STK3: variants seen among roughly 807,000 people sequenced by gnomAD.
The protein encoded by STK3 is serine/threonine kinase 3.
In STK3, 41 loss-of-function variants were observed where a neutral mutation model predicts 58.0. That is an observed-to-expected ratio of 0.71 (90% CI 0.55 to 0.92). STK3 has a LOEUF of 0.92. STK3 is among the 40% of genes least tolerant of loss of function. The pLI, the probability that STK3 is intolerant of heterozygous loss-of-function variation, is 0.00. For synonymous variants in STK3, 170 were observed against 191.0 expected (o/e 0.89, Z 0.91); for missense variants, 479 against 602.7 (o/e 0.79, Z 2.15).
At chr8:98,861,086 T>C (rs1423108327) in intron 3 of STK3, among the ~76,000 whole-genome samples, 1 of 151,832 alleles carries the variant, frequency 6.6e-6, no homozygotes, top group Non-Finnish European at 1.5e-5. Flanking sequence ...ATCTGGACAC[T>C]AGGCTAAGAA....
intron 1 of STK3, among the ~76,000 whole-genome samples, chr8:98,907,859 A>T (rs1176203310): frequency 6.6e-6 from 1 of 152,208 alleles, no homozygotes; most frequent in African/African-American, 2.4e-5. Flanking sequence ...TTATCTTTTA[A>T]TCTATGGGTG....
chr8:98,630,727 GAGA>G (rs1207934162), intron 6 of STK3, among the ~76,000 whole-genome samples: 3 of 150,072 alleles, frequency 2.0e-5, no homozygotes, highest in Non-Finnish European at 4.4e-5. Flanking sequence ...GGAGAAGGAG[GAGA>G]AGAAGGAGAA....
chr8:98,906,388 T>G (rs958926433), intron 1 of STK3: 3 of 152,294 alleles, frequency 2.0e-5, no homozygotes, highest in African/African-American at 7.2e-5. Flanking sequence ...GTGGTTGTGC[T>G]CCTGCCCCGT....
At chr8:98,398,563 C>T (rs775375976), downstream of STK3, among the ~76,000 whole-genome samples, 20 of 152,204 alleles carry the variant, frequency 1.3e-4, no homozygotes, top group Non-Finnish European at 2.6e-4. Flanking sequence ...CATCAGACTA[C>T]AGGCTGTGCC....
intron 1 of STK3, among the ~76,000 whole-genome samples, chr8:98,442,082 G>A (rs1416244738): frequency 6.6e-6 from 1 of 152,192 alleles, no homozygotes; most frequent in Non-Finnish European, 1.5e-5. Flanking sequence ...TGAGTCTGCA[G>A]GGCTAACTTC....
At chr8:98,598,206 G>A (rs1326821277) in intron 6 of STK3, 19 of 985,188 alleles carry the variant, frequency 1.9e-5, no homozygotes, top group Non-Finnish European at 2.2e-5. Context: ...TGAAGCCAAT[G>A]CTCTCCTTTG....
intron 7 of STK3, chr8:98,595,043 G>T (rs1009709148): frequency 1.1e-4 from 17 of 152,088 alleles, no homozygotes; most frequent in African/African-American, 4.1e-4. Context: ...CAATTTCAAT[G>T]TTCTACGAAT....
At chr8:98,504,450 T>C (rs142650060) in intron 10 of STK3, among the ~76,000 whole-genome samples, 1,661 of 152,306 alleles carry the variant, frequency 0.011, 25 homozygotes, top group African/African-American at 0.037. Flanking sequence ...AGCTGGTCAT[T>C]TTGCCCGTTA....
intron 1 of STK3, among the ~76,000 whole-genome samples, chr8:98,911,883 T>C (rs1287634385): frequency 6.6e-6 from 1 of 152,226 alleles, no homozygotes; most frequent in African/African-American, 2.4e-5. Context: ...TTTGTTAGTT[T>C]CTATAGTAGT....
At chr8:98,552,389 T>C (rs1246356924) in intron 8 of STK3, among the ~76,000 whole-genome samples, 1 of 152,146 alleles carries the variant, frequency 6.6e-6, no homozygotes, top group Non-Finnish European at 1.5e-5. Flanking sequence ...ACCTTTATCA[T>C]GTCCAAATGT....
chr8:98,463,692 T>G (rs557842094), intron 10 of STK3, among the ~76,000 whole-genome samples: 1 of 152,226 alleles, frequency 6.6e-6, no homozygotes, highest in South Asian at 2.1e-4. Flanking sequence ...AAAACTTACT[T>G]CATAAAATAA....
chr8:98,656,159 A>G (rs1268735142), intron 6 of STK3, among the ~76,000 whole-genome samples: 3 of 152,244 alleles, frequency 2.0e-5, no homozygotes, highest in Non-Finnish European at 4.4e-5. Flanking sequence ...GCAGCCATAA[A>G]AAATGATGAG....
chr8:98,920,751 G>T (rs1292575341), intron 1 of STK3, among the ~76,000 whole-genome samples: 1 of 152,238 alleles, frequency 6.6e-6, no homozygotes, highest in South Asian at 2.1e-4. Context: ...CCCTGGAGAA[G>T]CAGGGCAAGA....
chr8:98,451,113 C>T (rs895560022), downstream of STK3, among the ~76,000 whole-genome samples: 1 of 152,074 alleles, frequency 6.6e-6, no homozygotes, highest in African/African-American at 2.4e-5. Flanking sequence ...TAGATGCTCA[C>T]AAAATTATTA....
At chr8:98,581,568 T>C (rs978907956) in intron 7 of STK3, among the ~76,000 whole-genome samples, 1 of 151,834 alleles carries the variant, frequency 6.6e-6, no homozygotes, top group African/African-American at 2.4e-5. Flanking sequence ...TAGGCCATAG[T>C]TTTCTTGGTG....
At chr8:98,440,538 T>G (rs1818651857) in intron 1 of STK3, among the ~76,000 whole-genome samples, 1 of 149,636 alleles carries the variant, frequency 6.7e-6, no homozygotes, top group Non-Finnish European at 1.5e-5. Flanking sequence ...TGGTTCAGTT[T>G]TCTATTCAAT....
chr8:98,658,852 G>C (rs1226656436), intron 6 of STK3, among the ~76,000 whole-genome samples: 1 of 151,990 alleles, frequency 6.6e-6, no homozygotes, highest in Non-Finnish European at 1.5e-5. Context: ...TAAAAAATGG[G>C]TCAAACACAC....
intron 6 of STK3, among the ~76,000 whole-genome samples, chr8:98,617,083 G>A (rs1225200210): frequency 6.6e-6 from 1 of 150,872 alleles, no homozygotes; most frequent in Non-Finnish European, 1.5e-5. Flanking sequence ...CTCAGCAAAT[G>A]TAAAAGAACA....
intron 1 of STK3, among the ~76,000 whole-genome samples, chr8:98,778,592 G>C (rs553410174): frequency 4.3e-4 from 66 of 152,178 alleles, no homozygotes; most frequent in African/African-American, 1.5e-3. Context: ...TATGTTTATT[G>C]CGGCACTATT....
Sources: gnomAD v4.1 joint callset for allele counts (sites outside exome capture counted in the v4.1 genomes callset) on GRCh38, gnomAD v4.1.1 for gene constraint, MANE v1.5 for transcripts, NCBI Gene and HGNC (gene_info 2026-07-23, HGNC 2026-07-21) for gene names.